WRN: variants seen among roughly 807,000 people sequenced by gnomAD.
WRN encodes the protein WRN RecQ like helicase, also known as bifunctional 3'-5' exonuclease/ATP-dependent helicase WRN.
Under a neutral mutation model 180.7 loss-of-function variants are expected in WRN, and 149 were observed. The ratio of observed to expected loss-of-function variants is 0.82; its 90% CI spans 0.72 to 0.94. The LOEUF (loss-of-function observed/expected upper bound fraction) is 0.94. WRN is among the 40% of genes least tolerant of loss of function. The pLI, the probability that WRN is intolerant of heterozygous loss-of-function variation, is 0.00. For synonymous variants in WRN, 548 were observed against 568.9 expected, an observed-to-expected ratio of 0.96 and a Z score of 0.52; for missense variants, 1,661 against 1,700.1, an observed-to-expected ratio of 0.98 and a Z score of 0.40.
At chr8:31,105,858 C>G (rs1326391228) in intron 18 of WRN, among the ~76,000 whole-genome samples, 1 of 152,140 alleles carries the variant, frequency 6.6e-6, no homozygotes, top group East Asian at 1.9e-4. Flanking sequence ...TTGTTTTTGC[C>G]TCTTTGCCAG....
intron 34 of WRN, among the ~76,000 whole-genome samples, chr8:31,170,338 T>C (rs1488196325): frequency 1.3e-5 from 2 of 152,142 alleles, no homozygotes; most frequent in African/African-American, 2.4e-5. Flanking sequence ...CTTGACTGTA[T>C]AAGAGAGAAT....
At chr8:31,071,483 A>G (rs552229822) in intron 7 of WRN, among the ~76,000 whole-genome samples, 5 of 152,202 alleles carry the variant, frequency 3.3e-5, no homozygotes, top group African/African-American at 7.2e-5. Flanking sequence ...GACAGGTTCA[A>G]AATTCATTTT....
In WRN at chr8:31,117,817, G is replaced by C. The variant is rs182819963; in HGVS notation, c.2448+1289G>C. On this transcript the variant is annotated intron_variant, in intron 20 of 34. Transcript: ENST00000298139. ...AATGCATACCCGCCTGAAAGCATCT[G>C]GTCTCTCTTTTCCTTCTTTCCAAAG... Among the ~76,000 whole-genome samples the C allele has an allele frequency of 5.4e-4, 82 of 152,152 alleles. 1 individual carries two copies. Among genetic ancestry groups the C allele is most frequent in the African/African-American group, 1.9e-3 (78 of 41,534 alleles).
rs527703016 is a variant in WRN, at chr8:31,043,010, GA to G, written c.-77+9042del. On this transcript the variant is annotated intron_variant, in intron 1 of 34. Transcript: ENST00000298139. ...AGAGTGTCTTCAGTTGCAAGTAATG[GA>G]AAAACCATTCAAACTGACTTCAGCA... is the stretch of plus-strand genomic sequence containing the variant. Among the ~76,000 whole-genome samples the G allele has an allele frequency of 3.3e-3, 502 of 152,272 alleles. 5 individuals are homozygous for G. The highest frequency in any genetic ancestry group is 0.012 in the African/African-American group (485 of 41,554).
At chr8:31,040,732 T>G (rs1811620354) in intron 1 of WRN, among the ~76,000 whole-genome samples, 1 of 151,954 alleles carries the variant, frequency 6.6e-6, no homozygotes, top group African/African-American at 2.4e-5. Flanking sequence ...ATTAAAGGAG[T>G]GGAAACAGAG....
intron 24 of WRN, among the ~76,000 whole-genome samples, chr8:31,136,497 T>C (rs1802401116): frequency 6.6e-6 from 1 of 152,188 alleles, no homozygotes; most frequent in African/African-American, 2.4e-5. Flanking sequence ...GCTAGTCTAG[T>C]GTCTTTTCTA....
At chr8:31,120,976 C>A (rs745826389) in intron 21 of WRN, among the ~76,000 whole-genome samples, 21 of 152,108 alleles carry the variant, frequency 1.4e-4, no homozygotes, top group Non-Finnish European at 2.5e-4. Flanking sequence ...TTGCACTGTA[C>A]TGACAGACTG....
chr8:31,136,349 C>T (rs1479201591), intron 24 of WRN, among the ~76,000 whole-genome samples: 1 of 152,190 alleles, frequency 6.6e-6, no homozygotes, highest in African/African-American at 2.4e-5. Context: ...AGAGCTAACA[C>T]TGGTAAAAAG....
intron 1 of WRN, among the ~76,000 whole-genome samples, chr8:31,052,611 C>T (rs1812119531): frequency 6.6e-6 from 1 of 152,064 alleles, no homozygotes; most frequent in South Asian, 2.1e-4. Context: ...GGTCTCGAAC[C>T]CCTGGCCTCA....
intron 1 of WRN, among the ~76,000 whole-genome samples, chr8:31,036,662 CT>C (rs1453089620): frequency 3.3e-5 from 5 of 152,054 alleles, no homozygotes; most frequent in Non-Finnish European, 7.4e-5. Flanking sequence ...TGAGAAATGT[CT>C]ATTCAGGTCT....
At chr8:31,099,016 G>GA (rs1056619683) in intron 17 of WRN, among the ~76,000 whole-genome samples, 25 of 142,110 alleles carry the variant, frequency 1.8e-4, no homozygotes, top group Admixed American at 4.3e-4. Flanking sequence ...CCCCATCTCT[G>GA]AAAAAAAAAA....
Position 31,173,465 on chromosome 8 carries a change from G to A in WRN, c.*363G>A. 1 of 216,972 alleles carries A rather than the reference G, an allele frequency of 4.6e-6. No individual in the cohort carries two copies. Among genetic ancestry groups the A allele is most frequent in the Non-Finnish European group, 9.3e-6 (1 of 107,196 alleles). The allele number at this position is 216,972 out of a possible 1,614,324, so 13.4% of individuals were successfully genotyped here. Reference sequence around the variant, plus strand: ...ATTAGTAGTTACATGGTAATTATGTGATATAAAATATTCATATATTATCAA... The same window carrying A: ...ATTAGTAGTTACATGGTAATTATGTAATATAAAATATTCATATATTATCAA... On this transcript the variant is annotated 3_prime_UTR_variant, in exon 35 of 35. Coordinates refer to ENST00000298139, the MANE Select transcript of WRN (RefSeq NM_000553.6).
rs1461411104 is a variant in WRN at position 31,111,754 on chromosome 8, CAG to C, written c.2229_2230del (p.Gly744GlufsTer20). The C allele has an allele frequency of 6.2e-7, 1 of 1,613,908 alleles. No individual in the cohort carries two copies. ...CTGTATTTAGAAGTTAGGCGAAAAA[CAG>C]GGAATATCCTTCAGGATCTGCAGCC... On this transcript the variant is annotated frameshift_variant, in exon 19 of 35. Coordinates refer to ENST00000298139, the MANE Select transcript of WRN (RefSeq NM_000553.6). LOFTEE classifies it high-confidence loss of function.
intron 1 of WRN, among the ~76,000 whole-genome samples, chr8:31,050,584 A>G (rs1185151379): frequency 6.8e-6 from 1 of 147,286 alleles, no homozygotes; most frequent in East Asian, 2.0e-4. Flanking sequence ...ATTTCTTTCC[A>G]CTCTACTTCC....
At position 31,138,559 on chromosome 8, in the gene WRN, A is replaced by G. The variant is rs182600627; in HGVS notation, c.2968-2871A>G. Among the ~76,000 whole-genome samples, 47 of 152,278 alleles carry G rather than the reference A, an allele frequency of 3.1e-4. No individual in the cohort carries two copies. In the East Asian group the frequency reaches 9.1e-3, roughly 29 times the overall value. ...CGATCTCTAGACTTGTTTATGCTACATATGTTTGACTTTTAAACATTCTAC... is the reference window on the plus strand; with the variant it reads ...CGATCTCTAGACTTGTTTATGCTACGTATGTTTGACTTTTAAACATTCTAC... On this transcript the variant is annotated intron_variant, in intron 24 of 34. Transcript: ENST00000298139.
intron 8 of WRN, among the ~76,000 whole-genome samples, chr8:31,079,818 A>G (rs1213102252): frequency 6.6e-6 from 1 of 152,174 alleles, no homozygotes; most frequent in Admixed American, 6.5e-5. Flanking sequence ...GTTGCAGTTG[A>G]GACTAGTAAT....
At chr8:31,138,919 A>G (rs1034019825) in intron 24 of WRN, among the ~76,000 whole-genome samples, 5 of 152,172 alleles carry the variant, frequency 3.3e-5, no homozygotes, top group African/African-American at 1.2e-4. Flanking sequence ...TTTGTGAAAG[A>G]TCACCCTTGC....
At chr8:31,125,573 G>A (rs1326887159) in intron 23 of WRN, among the ~76,000 whole-genome samples, 1 of 47,250 alleles carries the variant, frequency 2.1e-5, no homozygotes, top group East Asian at 1.1e-3. Flanking sequence ...TATATATGGG[G>A]AGGGAAAGGA....
chr8:31,101,787 CAAA>C (rs60342321), intron 18 of WRN, among the ~76,000 whole-genome samples: 1 of 42,054 alleles, frequency 2.4e-5, no homozygotes. Context: ...AACTCTGTCT[CAAA>C]AAAAAAAAAA....
Sources: gnomAD v4.1 joint callset for allele counts (sites outside exome capture counted in the v4.1 genomes callset) on GRCh38, gnomAD v4.1.1 for gene constraint, MANE v1.5 for transcripts, NCBI Gene and HGNC (gene_info 2026-07-23, HGNC 2026-07-21) for gene names.